Variants in TGFBR3 observed in about 807,000 individuals in gnomAD.
TGFBR3 encodes transforming growth factor beta receptor type 3.
In TGFBR3, 46 loss-of-function variants were observed where a neutral mutation model predicts 87.9. That is an observed-to-expected ratio of 0.52 (90% CI 0.41 to 0.67). The LOEUF (loss-of-function observed/expected upper bound fraction) is 0.67. TGFBR3 is among the 30% of genes least tolerant of loss of function. The probability of loss-of-function intolerance (pLI) is 0.00; values close to 1 mark genes in which losing one functional copy is unlikely to be tolerated. For synonymous variants in TGFBR3, 381 were observed against 391.6 expected (o/e 0.97, Z 0.32); for missense variants, 866 against 1,041.9 (o/e 0.83, Z 2.32).
intron 2 of TGFBR3, among the ~76,000 whole-genome samples, chr1:91,799,144 C>T (rs1275229213): frequency 6.6e-6 from 1 of 152,216 alleles, no homozygotes; most frequent in Non-Finnish European, 1.5e-5. Context: ...GGGTTGCAAA[C>T]AAAGTTCAGA....
chr1:91,787,784 G>A (rs1264102533), intron 3 of TGFBR3, among the ~76,000 whole-genome samples: 5 of 151,660 alleles, frequency 3.3e-5, no homozygotes, highest in East Asian at 1.9e-4. Context: ...AGACCAACAT[G>A]GTGAAAAAAA....
chr1:91,863,017 CAAAG>C (rs1337216400), intron 1 of TGFBR3, among the ~76,000 whole-genome samples: 2 of 152,150 alleles, frequency 1.3e-5, no homozygotes, highest in African/African-American at 4.8e-5. Context: ...CATCAAGTGA[CAAAG>C]AGAGATATTT....
chr1:91,731,305 G>A (rs767536101), intron 5 of TGFBR3, among the ~76,000 whole-genome samples: 9 of 151,956 alleles, frequency 5.9e-5, no homozygotes, highest in African/African-American at 1.7e-4. Context: ...GCTGAGGTCC[G>A]CAGCACACAC....
upstream of TGFBR3, among the ~76,000 whole-genome samples, chr1:91,887,262 T>TTG (rs1553177188): frequency 8.0e-6 from 1 of 125,210 alleles, no homozygotes; most frequent in Non-Finnish European, 1.6e-5. Context: ...TTTTTTTTTT[T>TTG]TGAGATGGAG....
intron 4 of TGFBR3, among the ~76,000 whole-genome samples, chr1:91,744,530 A>G (rs949583843): frequency 6.6e-6 from 1 of 152,184 alleles, no homozygotes; most frequent in African/African-American, 2.4e-5. Flanking sequence ...TGAACTGATC[A>G]TGTCCATCCA....
chr1:91,815,199 G>A (rs2101047183), intron 2 of TGFBR3, among the ~76,000 whole-genome samples: 1 of 152,078 alleles, frequency 6.6e-6, no homozygotes, highest in South Asian at 2.1e-4. Flanking sequence ...CTACTTGGGA[G>A]GCTGAGGTAG....
rs778390099 is a variant in TGFBR3 at position 91,682,274 on chromosome 1, G to A, written c.*1465C>T. On this transcript the variant is annotated 3_prime_UTR_variant, in exon 17 of 17. Transcript: ENST00000212355. ...TGGGATTTGCTTATGAATATTTTGG[G>A]GGTAGAATCTATCTTGTTCTACTTA... 3.5e-5 allele frequency: 16 copies of A among 453,806 alleles called. No homozygotes were observed. The highest frequency in any genetic ancestry group is 2.0e-4 in the South Asian group (13 of 64,472). The allele number at this position is 453,806 out of a possible 1,614,324, so 28.1% of individuals were successfully genotyped here.
chr1:91,884,634 G>A (rs145759698), intron 1 of TGFBR3, among the ~76,000 whole-genome samples: 15 of 152,162 alleles, frequency 9.9e-5, no homozygotes, highest in Non-Finnish European at 1.9e-4. Context: ...GTATGATCTT[G>A]GACAAGTAAC....
At chr1:91,719,257 G>A (rs7524066) in intron 10 of TGFBR3, 55 bp downstream of exon 10, 1 of 1,611,712 alleles carries the variant, frequency 6.2e-7, no homozygotes, top group Admixed American at 1.7e-5. Flanking sequence ...AACTTTAAGG[G>A]AGCACACAGC....
At chr1:91,754,126 G>T (rs922522723) in intron 4 of TGFBR3, among the ~76,000 whole-genome samples, 7 of 152,064 alleles carry the variant, frequency 4.6e-5, no homozygotes, top group African/African-American at 1.4e-4. Context: ...ATCTTTTCAT[G>T]TGTTTTTTGG....
chr1:91,734,660 C>T (rs756454168), intron 5 of TGFBR3, 116 bp downstream of exon 5: 17 of 1,331,304 alleles, frequency 1.3e-5, no homozygotes, highest in Admixed American at 6.7e-5. Context: ...CCTCAGGTCC[C>T]TTCCAGGTCC....
chr1:91,862,776 T>A (rs564682619), intron 1 of TGFBR3, among the ~76,000 whole-genome samples: 1 of 152,254 alleles, frequency 6.6e-6, no homozygotes, highest in Admixed American at 6.5e-5. Context: ...TGGGTAAAAG[T>A]GCAAAGACCC....
intron 16 of TGFBR3, among the ~76,000 whole-genome samples, chr1:91,691,123 T>G (rs567461492): frequency 6.7e-6 from 1 of 149,582 alleles, no homozygotes; most frequent in African/African-American, 2.5e-5. Context: ...TCCCAGAAAA[T>G]AAAGAAAGCA....
intron 12 of TGFBR3, among the ~76,000 whole-genome samples, chr1:91,713,832 T>TG (rs1427815816): frequency 2.0e-5 from 3 of 152,072 alleles, no homozygotes; most frequent in Non-Finnish European, 4.4e-5. Context: ...ATATGTGCTA[T>TG]TACTAAAAAC....
rs368889913 is a variant in TGFBR3 at position 91,765,907 on chromosome 1, T to TTA, written c.247-7159_247-7158dup. Among the ~76,000 whole-genome samples, 433 of 151,958 alleles carry TTA rather than the reference T, an allele frequency of 2.8e-3. 1 individual carries two copies. Among genetic ancestry groups the TTA allele is most frequent in the African/African-American group, 9.7e-3 (402 of 41,480 alleles). ...TTAAAATGGAGGGAAAGTTTGCTTT[T>TTA]TATATATATATATTCCCTGTCACAT... On this transcript the variant is annotated intron_variant, in intron 3 of 16. Coordinates refer to ENST00000212355, the MANE Select transcript of TGFBR3 (RefSeq NM_003243.5).
intron 14 of TGFBR3, among the ~76,000 whole-genome samples, chr1:91,707,842 T>G (rs1571426464): frequency 6.6e-6 from 1 of 152,192 alleles, no homozygotes; most frequent in East Asian, 1.9e-4. Flanking sequence ...AGCTGCCTGG[T>G]GTGTCCTTGC....
intron 3 of TGFBR3, among the ~76,000 whole-genome samples, chr1:91,793,564 G>A (rs538095788): frequency 2.7e-4 from 41 of 152,122 alleles, no homozygotes; most frequent in Non-Finnish European, 5.6e-4. Flanking sequence ...CAGCACTCTG[G>A]GAGTCTGAGG....
At chr1:91,897,708 T>C (rs1416010798) in intron 2 of TGFBR3, among the ~76,000 whole-genome samples, 1 of 152,200 alleles carries the variant, frequency 6.6e-6, no homozygotes, top group East Asian at 1.9e-4. Flanking sequence ...TGGGCCGAAA[T>C]GTGCACAACA....
chr1:91,786,370 G>A (rs532448948), intron 3 of TGFBR3: 91 of 385,720 alleles, frequency 2.4e-4, no homozygotes, highest in Admixed American at 5.2e-4. Flanking sequence ...GAGGCTCCAG[G>A]GTAAGTGGAG....
Sources: allele counts gnomAD v4.1 joint callset (sites outside exome capture counted in the v4.1 genomes callset), GRCh38; gene constraint gnomAD v4.1.1; transcripts MANE v1.5; gene names NCBI Gene and HGNC (gene_info 2026-07-23, HGNC 2026-07-21).